Variants in ADRA1B observed in about 807,000 individuals in gnomAD.
ADRA1B encodes the protein alpha-1B adrenergic receptor.
Under a neutral mutation model 17.9 loss-of-function variants are expected in ADRA1B, and 17 were observed. The observed-to-expected ratio is 0.95, with a 90% CI of 0.65 to 1.42. ADRA1B has a LOEUF of 1.42. Ranked by LOEUF, ADRA1B falls within the 40% of genes most tolerant of loss-of-function variation. ADRA1B has a pLI of 0.00. For missense variants in ADRA1B, 681 were observed against 722.1 expected, an observed-to-expected ratio of 0.94 and a Z score of 0.65; for synonymous variants, 366 against 327.6, an observed-to-expected ratio of 1.12 and a Z score of -1.27.
At chr5:159,956,253 A>G (rs1033727728) in intron 1 of ADRA1B, among the ~76,000 whole-genome samples, 1 of 152,220 alleles carries the variant, frequency 6.6e-6, no homozygotes, top group Non-Finnish European at 1.5e-5. Flanking sequence ...GTAAACAAAC[A>G]ACAAAAATGT....
chr5:159,918,982 C>T (rs1419797310), intron 1 of ADRA1B, among the ~76,000 whole-genome samples: 2 of 152,136 alleles, frequency 1.3e-5, no homozygotes, highest in African/African-American at 4.8e-5. Flanking sequence ...GCAATCACAC[C>T]GGAGTCTCAG....
rs529642387 is a variant in ADRA1B, at chr5:159,928,639, T to C, written c.949+10785T>C. Among the ~76,000 whole-genome samples the C allele has an allele frequency of 7.9e-5, 12 of 152,352 alleles. No individual in the cohort carries two copies. In the East Asian group the frequency reaches 2.1e-3, roughly 27 times the overall value. On this transcript the variant is annotated intron_variant, in intron 1 of 1. Transcript: ENST00000306675. ...TTGGGATGAATTTGGGGCTTGGTTT[T>C]GCACAAGAATTTTTTGAAATTCTTC...
At position 159,925,463 on chromosome 5, in the gene ADRA1B, T is replaced by A. The variant is rs146410436; in HGVS notation, c.949+7609T>A. The stretch of plus-strand genomic sequence containing the variant: ...AAAATTTAGAGGACTTTTTTACAGT[T>A]TAGTTTCTGGCTGCATACATTTCAG... On this transcript the variant is annotated intron_variant, in intron 1 of 1. Coordinates refer to ENST00000306675, the MANE Select transcript of ADRA1B (RefSeq NM_000679.4). 3.3e-3 allele frequency among the ~76,000 whole-genome samples: 495 copies of A among 152,298 alleles called. 3 individuals are homozygous for A. The highest frequency in any genetic ancestry group is 0.012 in the African/African-American group (483 of 41,548).
intron 1 of ADRA1B, among the ~76,000 whole-genome samples, chr5:159,899,165 A>G (rs1386923418): frequency 6.6e-6 from 1 of 150,974 alleles, no homozygotes; most frequent in Non-Finnish European, 1.5e-5. Flanking sequence ...GAAGGAAGAA[A>G]GAAAAGAAAA....
intron 1 of ADRA1B, among the ~76,000 whole-genome samples, chr5:159,920,286 A>G (rs1754444562): frequency 6.6e-6 from 1 of 152,082 alleles, no homozygotes; most frequent in Admixed American, 6.5e-5. Flanking sequence ...TCCCAGCCAC[A>G]TCGTAGTGTG....
At position 159,883,759 on chromosome 5, in the gene ADRA1B, T is replaced by A. The variant is rs1753892044; in HGVS notation, c.-256+18553T>A. ...TTCTAAGAAGAGGGTGATGAACATC[T>A]TACTCAATGAACCATAATTCACTTT... On this transcript the variant is annotated intron_variant, in intron 1 of 2. Transcript: ENST00000641205. Among the ~76,000 whole-genome samples the A allele has an allele frequency of 3.3e-5, 5 of 152,364 alleles. No individual in the cohort carries two copies. The South Asian group carries it at 1.0e-3, about 32-fold the overall frequency.
intron 1 of ADRA1B, among the ~76,000 whole-genome samples, chr5:159,941,163 T>C (rs1755115724): frequency 6.6e-6 from 1 of 152,236 alleles, no homozygotes; most frequent in Non-Finnish European, 1.5e-5. Context: ...AGTGTAATCA[T>C]ATTTAAATTA....
At chr5:159,895,651 C>T (rs1754033420) in intron 1 of ADRA1B, among the ~76,000 whole-genome samples, 1 of 152,208 alleles carries the variant, frequency 6.6e-6, no homozygotes, top group South Asian at 2.1e-4. Flanking sequence ...CACATGTACT[C>T]CTGGACTTGT....
At chr5:159,955,616 C>T (rs1027448063) in intron 1 of ADRA1B, among the ~76,000 whole-genome samples, 5 of 152,180 alleles carry the variant, frequency 3.3e-5, no homozygotes, top group African/African-American at 1.2e-4. Context: ...TCATCTACTG[C>T]TTAGGAAGGA....
chr5:159,901,846 T>G (rs1754104377), intron 1 of ADRA1B, among the ~76,000 whole-genome samples: 1 of 152,082 alleles, frequency 6.6e-6, no homozygotes, highest in South Asian at 2.1e-4. Context: ...TAAAAAACAA[T>G]AACAATTGTT....
chr5:159,899,417 A>G (rs114504058), intron 1 of ADRA1B, among the ~76,000 whole-genome samples: 3,474 of 152,260 alleles, frequency 0.023, 133 homozygotes, highest in African/African-American at 0.079. Flanking sequence ...GGGAAAGACT[A>G]ACATGATTGA....
At chr5:159,954,073 G>C (rs17057305) in intron 1 of ADRA1B, among the ~76,000 whole-genome samples, 2 of 152,072 alleles carry the variant, frequency 1.3e-5, no homozygotes. Flanking sequence ...GGAACTCCTG[G>C]AGCAAACTGG....
chr5:159,986,423 C>T, the ADRA1B span, among the ~76,000 whole-genome samples: 9 of 152,186 alleles, frequency 5.9e-5, no homozygotes, highest in South Asian at 4.1e-4. Context: ...TTCACACTCA[C>T]GTGACCTAAT....
chr5:159,971,454 G>A (rs971811663), intron 1 of ADRA1B, among the ~76,000 whole-genome samples: 4 of 152,002 alleles, frequency 2.6e-5, no homozygotes, highest in Admixed American at 6.5e-5. Flanking sequence ...TGTTTTCCAC[G>A]GAAACAAGTC....
intron 1 of ADRA1B, chr5:159,868,783 A>C (rs575306667): frequency 6.6e-6 from 1 of 152,332 alleles, no homozygotes; most frequent in South Asian, 2.1e-4. Flanking sequence ...TTATCAGTTC[A>C]TACACCTCCA....
upstream of ADRA1B, among the ~76,000 whole-genome samples, chr5:159,915,453 C>CT (rs1338625526): frequency 3.3e-5 from 5 of 152,206 alleles, no homozygotes; most frequent in Non-Finnish European, 5.9e-5. Flanking sequence ...CTTTTTCTTT[C>CT]TTTCTTTCTT....
chr5:159,944,980 G>A (rs929429672), intron 1 of ADRA1B, among the ~76,000 whole-genome samples: 2 of 152,234 alleles, frequency 1.3e-5, no homozygotes, highest in Non-Finnish European at 2.9e-5. Context: ...AGGTACTATA[G>A]AGGAAATATG....
chr5:159,959,578 C>T (rs1242091787), intron 1 of ADRA1B, among the ~76,000 whole-genome samples: 1 of 152,154 alleles, frequency 6.6e-6, no homozygotes, highest in African/African-American at 2.4e-5. Context: ...CTGTGTACTT[C>T]CTGGACATCC....
rs1008527157 is a variant in ADRA1B, at chr5:159,973,010, G to C, written c.*518G>C. Among the ~76,000 whole-genome samples the C allele has an allele frequency of 3.3e-5, 5 of 152,240 alleles. No homozygotes were observed. Among genetic ancestry groups the C allele is most frequent in the African/African-American group, 1.2e-4 (5 of 41,462 alleles). The stretch of plus-strand genomic sequence containing the variant: ...GTCGACATTAAAGGTCATTTCTCCT[G>C]TTCGGCTTTGAGTGGTTTGTGGACG... On this transcript the variant is annotated 3_prime_UTR_variant, in exon 2 of 2. Transcript: ENST00000306675.
Sources: gnomAD v4.1 joint callset for allele counts (sites outside exome capture counted in the v4.1 genomes callset) on GRCh38, gnomAD v4.1.1 for gene constraint, MANE v1.5 for transcripts, NCBI Gene and HGNC (gene_info 2026-07-23, HGNC 2026-07-21) for gene names.